The following FOXK2 variants were observed in gnomAD, a reference collection of about 807,000 sequenced individuals.
FOXK2 encodes forkhead box K2, also known as forkhead box protein K2.
A neutral mutation model predicts 53.3 loss-of-function variants in FOXK2; 24 were observed. That is an observed-to-expected ratio of 0.45 (90% CI 0.33 to 0.63). FOXK2 has a LOEUF of 0.63. Ranked by LOEUF, FOXK2 falls within the 30% of genes least tolerant of loss-of-function variation. The probability of loss-of-function intolerance (pLI) is 0.03; values close to 1 mark genes in which losing one functional copy is unlikely to be tolerated. For missense variants in FOXK2, 952 were observed against 910.5 expected (o/e 1.05, Z -0.59); for synonymous variants, 505 against 407.1 (o/e 1.24, Z -2.89).
At chr17:82,569,325 G>C (rs1162873686) in intron 3 of FOXK2, among the ~76,000 whole-genome samples, 1 of 152,224 alleles carries the variant, frequency 6.6e-6, no homozygotes, top group Non-Finnish European at 1.5e-5. Context: ...GGCGCGTCGC[G>C]TGTGGTGCTG....
At chr17:82,573,605 GATA>G (rs975979943) in intron 4 of FOXK2, among the ~76,000 whole-genome samples, 3 of 135,440 alleles carry the variant, frequency 2.2e-5, no homozygotes, top group African/African-American at 8.3e-5. Context: ...CACACAACCA[GATA>G]ATAACTTCTA....
chr17:82,573,168 G>A (rs1009082948), intron 4 of FOXK2, among the ~76,000 whole-genome samples: 5 of 152,074 alleles, frequency 3.3e-5, no homozygotes, highest in Non-Finnish European at 4.4e-5. Context: ...ACTCCAGCCT[G>A]GGTGACAGAG....
intron 1 of FOXK2, among the ~76,000 whole-genome samples, chr17:82,542,136 C>T (rs117367648): frequency 0.018 from 2,686 of 151,020 alleles, 96 homozygotes; most frequent in East Asian, 0.11. Flanking sequence ...TTGCCTCAGC[C>T]TCCCTCCACA....
intron 8 of FOXK2, chr17:82,595,989 A>T: frequency 8.6e-7 from 1 of 1,167,640 alleles, no homozygotes; most frequent in South Asian, 1.7e-5. Flanking sequence ...GAGTCAGCGT[A>T]GGAGAAAGGC....
At chr17:82,589,610 A>G (rs2045233337) in intron 8 of FOXK2, among the ~76,000 whole-genome samples, 1 of 151,256 alleles carries the variant, frequency 6.6e-6, no homozygotes, top group Non-Finnish European at 1.5e-5. Flanking sequence ...CCACTCAGGA[A>G]GGAGAGGACA....
At chr17:82,520,409 G>C in intron 1 of FOXK2, 102 bp downstream of exon 1, 1 of 1,017,430 alleles carries the variant, frequency 9.8e-7, no homozygotes. Context: ...ACGAGCGGGG[G>C]CCCGACTCTC....
intron 8 of FOXK2, chr17:82,587,574 GA>G (rs1567986535): frequency 2.4e-6 from 1 of 425,108 alleles, no homozygotes; most frequent in South Asian, 2.2e-5. Flanking sequence ...GAAACGGCGG[GA>G]GCCGCCGCGT....
At chr17:82,536,138 C>G (rs961897335) in intron 1 of FOXK2, among the ~76,000 whole-genome samples, 32 of 152,002 alleles carry the variant, frequency 2.1e-4, no homozygotes, top group African/African-American at 7.2e-4. Flanking sequence ...TCGGCCTCCC[C>G]AAGTGCTGGG....
chr17:82,583,151 C>T (rs898349285), intron 5 of FOXK2, among the ~76,000 whole-genome samples: 1 of 152,232 alleles, frequency 6.6e-6, no homozygotes, highest in Non-Finnish European at 1.5e-5. Flanking sequence ...AAACTGCACT[C>T]GACGCAGTGA....
intron 6 of FOXK2, among the ~76,000 whole-genome samples, 195 bp from the exon 7 acceptor site, chr17:82,585,709 G>A (rs940751691): frequency 1.3e-5 from 2 of 152,210 alleles, no homozygotes; most frequent in Non-Finnish European, 2.9e-5. Context: ...AGCAGTTAGA[G>A]ATAGGAATTA....
intron 1 of FOXK2, among the ~76,000 whole-genome samples, chr17:82,561,731 A>G (rs1362738105): frequency 6.6e-6 from 1 of 152,174 alleles, no homozygotes; most frequent in Non-Finnish European, 1.5e-5. Flanking sequence ...AGGGTTGGGA[A>G]GTGTCTTCTT....
chr17:82,566,172 G>A (rs1157869833), intron 2 of FOXK2, among the ~76,000 whole-genome samples: 1 of 152,018 alleles, frequency 6.6e-6, no homozygotes, highest in Non-Finnish European at 1.5e-5. Context: ...GTGTGAATGC[G>A]CTTCATGCTG....
intron 1 of FOXK2, among the ~76,000 whole-genome samples, chr17:82,539,103 G>A (rs1046915361): frequency 2.0e-5 from 3 of 152,094 alleles, no homozygotes; most frequent in Admixed American, 1.3e-4. Context: ...GTGGCCGGGC[G>A]TGGTGGCTCA....
At chr17:82,542,150 T>C (rs1003502370) in intron 1 of FOXK2, among the ~76,000 whole-genome samples, 4 of 147,356 alleles carry the variant, frequency 2.7e-5, no homozygotes, top group Admixed American at 2.1e-4. Flanking sequence ...CTCCACAAAT[T>C]TTTTTTTTCT....
intron 1 of FOXK2, among the ~76,000 whole-genome samples, chr17:82,547,833 G>C (rs555686030): frequency 1.3e-5 from 2 of 152,104 alleles, no homozygotes; most frequent in Admixed American, 1.3e-4. Flanking sequence ...CTCCCCTCCC[G>C]TAGAAGTGTT....
chr17:82,568,282 C>A, intron 3 of FOXK2, 81 bp downstream of exon 3: 1 of 1,517,012 alleles, frequency 6.6e-7, no homozygotes, highest in Non-Finnish European at 9.0e-7. Context: ...GCCTGTCACT[C>A]ACCTGCCTGT....
At chr17:82,533,457 T>C (rs192646029) in intron 1 of FOXK2, among the ~76,000 whole-genome samples, 1 of 151,860 alleles carries the variant, frequency 6.6e-6, no homozygotes, top group Non-Finnish European at 1.5e-5. Context: ...GCCACTGCAC[T>C]CCAGCCTGGG....
At chr17:82,589,648 T>C (rs2045233759) in intron 8 of FOXK2, among the ~76,000 whole-genome samples, 1 of 150,516 alleles carries the variant, frequency 6.6e-6, no homozygotes, top group Non-Finnish European at 1.5e-5. Flanking sequence ...CTGTTTCCAC[T>C]CAGGAAGGAG....
intron 3 of FOXK2, among the ~76,000 whole-genome samples, chr17:82,571,120 C>T (rs3829566): frequency 0.31 from 47,426 of 151,956 alleles, 7,566 homozygotes; most frequent in South Asian, 0.36. Flanking sequence ...CGCCTGTACC[C>T]CTGGGGTAGC....
Sources: gnomAD v4.1 joint callset for allele counts (sites outside exome capture counted in the v4.1 genomes callset) on GRCh38, gnomAD v4.1.1 for gene constraint, MANE v1.5 for transcripts, NCBI Gene and HGNC (gene_info 2026-07-23, HGNC 2026-07-21) for gene names.